Variants in MAPT observed in about 807,000 individuals in gnomAD.
MAPT encodes the protein microtubule-associated protein tau.
Under a neutral mutation model 67.9 loss-of-function variants are expected in MAPT, and 34 were observed. That is an observed-to-expected ratio of 0.50 (90% CI 0.38 to 0.67). MAPT has a LOEUF of 0.67. MAPT is among the 30% of genes least tolerant of loss of function. The pLI is 0.00. For missense variants in MAPT, 881 were observed against 1,115.2 expected (o/e 0.79, Z 2.99); for synonymous variants, 456 against 464.5 (o/e 0.98, Z 0.23).
chr17:45,908,233 G>T (rs2064469046), intron 1 of MAPT: 1 of 152,160 alleles, frequency 6.6e-6, no homozygotes, highest in Non-Finnish European at 1.5e-5. Context: ...TTTTCTTCCG[G>T]CTCACATCAA....
At chr17:45,982,719 G>A (rs1277673513) in intron 4 of MAPT, 147 bp from the exon 5 acceptor site, 4 of 229,602 alleles carry the variant, frequency 1.7e-5, no homozygotes, top group Admixed American at 6.2e-5. Context: ...CAAAGGCAAC[G>A]AGACGAGCCC....
intron 1 of MAPT, among the ~76,000 whole-genome samples, chr17:45,912,163 G>T (rs2064842700): frequency 6.6e-6 from 1 of 152,136 alleles, no homozygotes. Flanking sequence ...TCCCAGGTAG[G>T]GCTGTCAGAA....
chr17:46,008,604 T>C (rs1388288231), intron 9 of MAPT, among the ~76,000 whole-genome samples: 1 of 152,212 alleles, frequency 6.6e-6, no homozygotes, highest in African/African-American at 2.4e-5. Context: ...ATACATAGTC[T>C]TTTGAAGGAA....
At chr17:45,980,173 G>A (rs1341612267) in intron 4 of MAPT, 1 of 152,116 alleles carries the variant, frequency 6.6e-6, no homozygotes, top group Non-Finnish European at 1.5e-5. Context: ...TATTTGCTGA[G>A]TACTTCCTAG....
intron 3 of MAPT, chr17:45,974,708 C>T: frequency 7.2e-6 from 4 of 556,082 alleles, no homozygotes; most frequent in South Asian, 4.1e-5. Flanking sequence ...CTTCTAGATG[C>T]TCCTCATCTT....
Position 45,995,505 on chromosome 17 carries a change from G to C in MAPT, c.1733-894G>C, listed in dbSNP as rs1459002002. Among the ~76,000 whole-genome samples, 3 of 152,162 alleles carry C rather than the reference G, an allele frequency of 2.0e-5. No individual in the cohort carries two copies. The highest frequency in any genetic ancestry group is 1.5e-5 in the Non-Finnish European group (1 of 68,032). The stretch of plus-strand genomic sequence containing the variant: ...TTGGAAAATACAGACCCATGAGATA[G>C]AATACCAGACTGTTGAAGTGTAACG... On this transcript the variant is annotated intron_variant, in intron 8 of 12. Coordinates refer to ENST00000262410, the MANE Select transcript of MAPT (RefSeq NM_001377265.1). The surrounding 1 kb of genome is among the most constrained non-coding windows in gnomAD (Gnocchi z 4.3).
chr17:46,016,403 AAAG>A (rs2076181153), intron 11 of MAPT, among the ~76,000 whole-genome samples: 2 of 151,432 alleles, frequency 1.3e-5, no homozygotes, highest in African/African-American at 2.4e-5. Flanking sequence ...AAAAAAAAAA[AAAG>A]AAAGAAAAAG....
intron 9 of MAPT, among the ~76,000 whole-genome samples, chr17:46,003,360 C>G (rs112827117): frequency 0.018 from 2,768 of 151,742 alleles, 95 homozygotes; most frequent in African/African-American, 0.064. Context: ...CTCACTGCAA[C>G]CTCCGCCTCC....
At chr17:46,009,627 G>A (rs1460888092) in intron 9 of MAPT, among the ~76,000 whole-genome samples, 1 of 152,220 alleles carries the variant, frequency 6.6e-6, no homozygotes, top group Non-Finnish European at 1.5e-5. Flanking sequence ...CAGAGCCCTC[G>A]TACAGAAGGG....
At chr17:45,963,573 A>G (rs1321417844) in intron 2 of MAPT, among the ~76,000 whole-genome samples, 1 of 152,156 alleles carries the variant, frequency 6.6e-6, no homozygotes, top group Non-Finnish European at 1.5e-5. Flanking sequence ...CTGCCTCCAT[A>G]CCCATTTCTA....
rs771166056 is a variant in MAPT, at chr17:45,989,964, G to A, written c.1494G>A (p.Leu498=). ...KHPTPGSSDP[L]IQPSSPAVCP... ...CCACTCCTGGTAGCTCAGACCCTCTGATCCAACCCTCCAGCCCTGCTGTGT... is the reference window on the plus strand; with the variant it reads ...CCACTCCTGGTAGCTCAGACCCTCTAATCCAACCCTCCAGCCCTGCTGTGT... Residue 498 remains leucine (L), a synonymous_variant, in exon 7 of 13, where the codon CTG becomes CTA. Coordinates refer to ENST00000262410, the MANE Select transcript of MAPT (RefSeq NM_001377265.1). 1 of 1,614,146 alleles carries A rather than the reference G, an allele frequency of 6.2e-7. No individual in the cohort carries two copies. Among genetic ancestry groups the A allele is most frequent in the South Asian group, 1.1e-5 (1 of 91,074 alleles).
Position 45,983,084 on chromosome 17 carries a change from G to A in MAPT, c.505G>A (p.Glu169Lys), listed in dbSNP as rs2073139848. Residue 169 changes from glutamate (E) to lysine (K), a missense_variant, in exon 5 of 13, where the codon GAG becomes AAG. Physicochemically the swap from Glu to Lys is moderately conservative, Grantham distance 56. Coordinates refer to ENST00000262410, the MANE Select transcript of MAPT (RefSeq NM_001377265.1). ...PAPPPTGGPQEPSLEWGQKGG... is the reference protein window; with the variant it reads ...PAPPPTGGPQKPSLEWGQKGG... The stretch of plus-strand genomic sequence containing the variant: ...GCCTCCTCCAACAGGAGGCCCTCAG[G>A]AGCCCTCCCTGGAGTGGGGACAAAA... The A allele has an allele frequency of 1.4e-5, 22 of 1,543,016 alleles. No individual in the cohort carries two copies. The Middle Eastern group carries it at 9.3e-4, about 65-fold the overall frequency.
intron 1 of MAPT, among the ~76,000 whole-genome samples, chr17:45,939,754 C>T (rs2067690858): frequency 6.6e-6 from 1 of 152,178 alleles, no homozygotes; most frequent in African/African-American, 2.4e-5. Context: ...GACCAAGTCA[C>T]AGAGCAGGAA....
At chr17:45,911,194 C>T (rs2064760956) in intron 1 of MAPT, among the ~76,000 whole-genome samples, 2 of 152,230 alleles carry the variant, frequency 1.3e-5, no homozygotes, top group Admixed American at 1.3e-4. Context: ...ATCCAGCCTC[C>T]CTCACTCGCC....
At chr17:45,902,818 C>T (rs533857839) in intron 1 of MAPT, among the ~76,000 whole-genome samples, 67 of 152,224 alleles carry the variant, frequency 4.4e-4, no homozygotes, top group Non-Finnish European at 8.2e-4. Flanking sequence ...AGAATTAAAT[C>T]TGAAGCAATT....
intron 2 of MAPT, among the ~76,000 whole-genome samples, chr17:45,968,924 A>G (rs2071363500): frequency 6.6e-6 from 1 of 152,248 alleles, no homozygotes; most frequent in Admixed American, 6.5e-5. Flanking sequence ...CAGTGGAGCT[A>G]CTACTATGCC....
At chr17:45,962,248 C>T in intron 1 of MAPT, 73 bp from the exon 2 acceptor site, 1 of 1,259,762 alleles carries the variant, frequency 7.9e-7, no homozygotes, top group Non-Finnish European at 1.1e-6. Context: ...GGAGGAGAGG[C>T]TCCTCTCTCT....
intron 2 of MAPT, 28 bp downstream of exon 2, chr17:45,962,498 C>T (rs1323595381): frequency 6.2e-7 from 1 of 1,611,324 alleles, no homozygotes; most frequent in African/African-American, 1.3e-5. Context: ...CACAGCAGGC[C>T]CAGATCACTG....
At chr17:45,919,463 G>A (rs966607450) in intron 1 of MAPT, among the ~76,000 whole-genome samples, 3 of 152,312 alleles carry the variant, frequency 2.0e-5, no homozygotes, top group South Asian at 4.1e-4. Context: ...TCGCCAGGCC[G>A]GATCCACGAA....
Sources: gnomAD v4.1 joint callset for allele counts (sites outside exome capture counted in the v4.1 genomes callset) on GRCh38, gnomAD v4.1.1 for gene constraint, Gnocchi (gnomAD v3.1) non-coding constraint, MANE v1.5 for transcripts, NCBI Gene and HGNC (gene_info 2026-07-23, HGNC 2026-07-21) for gene names.